DCHS2: variants seen among roughly 807,000 people sequenced by gnomAD.
The protein encoded by DCHS2 is dachsous cadherin-related 2, also known as protocadherin-23.
Under a neutral mutation model 182.4 loss-of-function variants are expected in DCHS2, and 142 were observed. That is an observed-to-expected ratio of 0.78 (90% CI 0.68 to 0.89). The LOEUF (loss-of-function observed/expected upper bound fraction) is 0.89. DCHS2 is among the 40% of genes least tolerant of loss of function. The pLI, the probability that DCHS2 is intolerant of heterozygous loss-of-function variation, is 0.00. For synonymous variants in DCHS2, 1,740 were observed against 1,663.3 expected, an observed-to-expected ratio of 1.05 and a Z score of -1.12; for missense variants, 4,319 against 4,198.6, an observed-to-expected ratio of 1.03 and a Z score of -0.79.
intron 13 of DCHS2, among the ~76,000 whole-genome samples, chr4:154,282,268 G>A (rs773956444): frequency 6.6e-6 from 1 of 151,954 alleles, no homozygotes; most frequent in African/African-American, 2.4e-5. Context: ...GAAAATAGTT[G>A]CAAGCCACAT....
At chr4:154,333,540 C>T in intron 4 of DCHS2, 46 bp from the exon 5 acceptor site, 2 of 1,527,842 alleles carry the variant, frequency 1.3e-6, no homozygotes, top group Non-Finnish European at 1.8e-6. Flanking sequence ...AAAGGGTGGA[C>T]CCACTGGAAA....
intron 3 of DCHS2, among the ~76,000 whole-genome samples, chr4:154,343,027 C>A (rs974683174): frequency 6.6e-6 from 1 of 152,106 alleles, no homozygotes; most frequent in Non-Finnish European, 1.5e-5. Context: ...AAGAAAAAAC[C>A]TCCTTGTATA....
intron 12 of DCHS2, among the ~76,000 whole-genome samples, chr4:154,301,060 T>A (rs1442284762): frequency 6.6e-6 from 1 of 152,236 alleles, no homozygotes; most frequent in Non-Finnish European, 1.5e-5. Context: ...TCACCTGGGA[T>A]CATGGAATTT....
rs762885783 is a variant in DCHS2, at chr4:154,269,994, A to G, written c.6483T>C (p.Val2161=). The G allele has an allele frequency of 1.2e-6, 2 of 1,610,558 alleles. No homozygotes were observed. The highest frequency in any genetic ancestry group is 2.2e-5 in the South Asian group (2 of 90,384). The change falls in exon 14 of 20, where the codon GTT becomes GTC. Residue 2161 remains valine, a synonymous_variant. Coordinates refer to ENST00000357232, the MANE Select transcript of DCHS2 (RefSeq NM_001358235.2). The stretch of plus-strand genomic sequence containing the variant: ...GAATTGAGTCAGGAGCAAAAGCTTT[A>G]ACAGTCACAATAGAAGTACCTGTAA... ...NCEAGTSIVT[V]KAFAPDSIQD...
At chr4:154,329,146 C>A (rs1736410007) in intron 6 of DCHS2, among the ~76,000 whole-genome samples, 1 of 152,118 alleles carries the variant, frequency 6.6e-6, no homozygotes, top group South Asian at 2.1e-4. Flanking sequence ...TGTTCCCCTA[C>A]CCTTAAGTAA....
intron 3 of DCHS2, among the ~76,000 whole-genome samples, chr4:154,353,376 A>C (rs1729709263): frequency 1.3e-5 from 2 of 152,188 alleles, no homozygotes; most frequent in African/African-American, 4.8e-5. Context: ...AGGAGGAAAG[A>C]CTTCAGAAAA....
At chr4:154,330,072 T>C (rs182547130) in intron 5 of DCHS2, among the ~76,000 whole-genome samples, 1 of 152,358 alleles carries the variant, frequency 6.6e-6, no homozygotes, top group East Asian at 1.9e-4. Flanking sequence ...GGAAAGCATG[T>C]GAGCTCTGAC....
chr4:154,453,768 C>T (rs114270541), intron 1 of DCHS2, among the ~76,000 whole-genome samples: 1,821 of 152,256 alleles, frequency 0.012, 30 homozygotes, highest in South Asian at 0.071. Flanking sequence ...CACAAACTTC[C>T]CTCCCAATGA....
At chr4:154,431,605 C>T (rs1733562207) in intron 1 of DCHS2, among the ~76,000 whole-genome samples, 1 of 152,074 alleles carries the variant, frequency 6.6e-6, no homozygotes, top group Non-Finnish European at 1.5e-5. Context: ...TCTCGGAATT[C>T]TCTATGCAGA....
In DCHS2 at chr4:154,390,490, T is replaced by C. The variant is rs1285833332; in HGVS notation, c.2053-13046A>G. The stretch of plus-strand genomic sequence containing the variant: ...GCTCAAAAGTTACCTCACTTTTATA[T>C]CACTAAGTCATTCACACACACACAC... On this transcript the variant is annotated intron_variant, in intron 1 of 19. Coordinates refer to ENST00000357232, the MANE Select transcript of DCHS2 (RefSeq NM_001358235.2). Among the ~76,000 whole-genome samples, 4 of 151,710 alleles carry C rather than the reference T, an allele frequency of 2.6e-5. 1 individual carries two copies. In the South Asian group the frequency reaches 8.4e-4, roughly 32 times the overall value.
At chr4:154,481,148 G>C (rs1431428375) in intron 1 of DCHS2, among the ~76,000 whole-genome samples, 1 of 152,118 alleles carries the variant, frequency 6.6e-6, no homozygotes, top group Admixed American at 6.6e-5. Flanking sequence ...GAAGCCCTGG[G>C]TATTAATTAG....
chr4:154,245,252 T>C (rs80296576), intron 16 of DCHS2, among the ~76,000 whole-genome samples: 3,025 of 152,284 alleles, frequency 0.02, 115 homozygotes, highest in African/African-American at 0.068. Context: ...GGTTGTAGCC[T>C]GTCCAACTCA....
At chr4:154,426,765 C>T (rs1344713099) in intron 1 of DCHS2, among the ~76,000 whole-genome samples, 1 of 24,666 alleles carries the variant, frequency 4.1e-5, no homozygotes, top group South Asian at 1.7e-3. Flanking sequence ...GAGACTTTGT[C>T]TCTACAAAAT....
chr4:154,255,734 T>C, intron 15 of DCHS2, 64 bp from the exon 16 acceptor site: 1 of 1,498,824 alleles, frequency 6.7e-7, no homozygotes. Flanking sequence ...AGTCTGTTTT[T>C]CAGAGACATG....
intron 1 of DCHS2, chr4:154,384,236 G>A (rs1003958311): frequency 1.5e-5 from 21 of 1,380,492 alleles, no homozygotes; most frequent in Non-Finnish European, 1.9e-5. Flanking sequence ...TCTAATGATC[G>A]AGGCTTGATC....
chr4:154,454,010 ATTAT>A (rs1463226750), intron 1 of DCHS2, among the ~76,000 whole-genome samples: 2 of 152,188 alleles, frequency 1.3e-5, no homozygotes, highest in Non-Finnish European at 2.9e-5. Context: ...AAACTAGTAA[ATTAT>A]TTAATACATG....
rs1430853756 is a variant in DCHS2 at position 154,336,838 on chromosome 4, T to G, written c.2477-1734A>C. Among the ~76,000 whole-genome samples the G allele has an allele frequency of 2.0e-5, 3 of 152,220 alleles. No homozygotes were observed. In the East Asian group the frequency reaches 5.8e-4, roughly 29 times the overall value. On this transcript the variant is annotated intron_variant, in intron 3 of 19. Transcript: ENST00000357232. Reference sequence around the variant, plus strand: ...TTCTTTAATGATTCCTTATCTAATATGATTTTAAGTCATTTCTCTCACAGT... The same window carrying G: ...TTCTTTAATGATTCCTTATCTAATAGGATTTTAAGTCATTTCTCTCACAGT...
intron 1 of DCHS2, among the ~76,000 whole-genome samples, chr4:154,425,690 G>T (rs537846731): frequency 6.6e-6 from 1 of 152,184 alleles, no homozygotes; most frequent in East Asian, 1.9e-4. Context: ...ACACAGCTCC[G>T]AGGGAACTCG....
chr4:154,416,557 C>A (rs1038066537), intron 1 of DCHS2, among the ~76,000 whole-genome samples: 1 of 152,176 alleles, frequency 6.6e-6, no homozygotes, highest in African/African-American at 2.4e-5. Context: ...AACACCTTGT[C>A]CTAGGCTCTA....
Sources: allele counts gnomAD v4.1 joint callset (sites outside exome capture counted in the v4.1 genomes callset), GRCh38; gene constraint gnomAD v4.1.1; transcripts MANE v1.5; gene names NCBI Gene and HGNC (gene_info 2026-07-23, HGNC 2026-07-21).